The following CCDC15 variants were observed in gnomAD, a reference collection of about 807,000 sequenced individuals.
CCDC15 encodes the protein coiled-coil domain-containing protein 15.
A neutral mutation model predicts 114.5 loss-of-function variants in CCDC15; 105 were observed. The observed-to-expected ratio is 0.92, with a 90% CI of 0.78 to 1.08. The LOEUF (loss-of-function observed/expected upper bound fraction) is 1.08. CCDC15 is among the 50% of genes least tolerant of loss of function. The pLI is 0.00. For missense variants in CCDC15, 1,105 were observed against 1,093.6 expected (o/e 1.01, Z -0.15); for synonymous variants, 334 against 377.8 (o/e 0.88, Z 1.34).
chr11:125,012,029 G>A (rs2135527758), intron 13 of CCDC15, among the ~76,000 whole-genome samples: 1 of 152,344 alleles, frequency 6.6e-6, no homozygotes, highest in Middle Eastern at 3.4e-3. Flanking sequence ...TACATGCCCT[G>A]TAAGTGGTCA....
At position 124,987,358 on chromosome 11, in the gene CCDC15, G is replaced by C. The variant is rs1684953251; in HGVS notation, c.1132G>C (p.Glu378Gln). The C allele has an allele frequency of 1.2e-6, 2 of 1,613,698 alleles. No homozygotes were observed. Among genetic ancestry groups the C allele is most frequent in the African/African-American group, 2.7e-5 (2 of 74,912 alleles). Residue 378 changes from glutamate (E) to glutamine (Q), a missense_variant, in exon 8 of 16, where the codon GAG becomes CAG. Physicochemically the swap from Glu to Gln is conservative, Grantham distance 29 (BLOSUM62 2). Coordinates refer to ENST00000344762, the MANE Select transcript of CCDC15 (RefSeq NM_025004.3). The part of the protein sequence containing the change: ...QVTEPEGQAI[E>Q]PEGQPIKTET... ...TACTGAGCCAGAAGGCCAGGCCATT[G>C]AGCCAGAAGGCCAGCCTATTAAGAC...
At chr11:124,965,505 TA>T (rs1947758775) in intron 4 of CCDC15, among the ~76,000 whole-genome samples, 1 of 152,216 alleles carries the variant, frequency 6.6e-6, no homozygotes, top group South Asian at 2.1e-4. Flanking sequence ...TATCATTTTT[TA>T]TTGTGTCTAT....
chr11:124,997,161 T>C (rs1192829542), intron 11 of CCDC15, among the ~76,000 whole-genome samples: 3 of 152,246 alleles, frequency 2.0e-5, no homozygotes, highest in Admixed American at 6.5e-5. Flanking sequence ...TGTTTGTAGC[T>C]AGTTGATACT....
intron 4 of CCDC15, among the ~76,000 whole-genome samples, chr11:124,963,289 C>A (rs1465666532): frequency 6.6e-6 from 1 of 152,202 alleles, no homozygotes; most frequent in African/African-American, 2.4e-5. Context: ...TTCTCCACAT[C>A]CTCTCCAGCA....
At chr11:125,025,029 T>C (rs373065626) in intron 13 of CCDC15, among the ~76,000 whole-genome samples, 37 of 90,266 alleles carry the variant, frequency 4.1e-4, no homozygotes, top group East Asian at 3.0e-3. Context: ...TATGAATATA[T>C]ATATGAATAC....
Position 124,977,613 on chromosome 11 carries a change from A to G in CCDC15, c.753+13A>G. The G allele has an allele frequency of 6.3e-7, 1 of 1,599,744 alleles. No individual in the cohort carries two copies. Among genetic ancestry groups the G allele is most frequent in the Non-Finnish European group, 8.5e-7 (1 of 1,174,382 alleles). ...TATGGAAAATCAGGTAGGGAAATAT[A>G]AAAAGTAGAGGGGAAAGACATTGGC... On this transcript the variant is annotated intron_variant, in intron 6 of 15. Transcript: ENST00000344762.
intron 4 of CCDC15, among the ~76,000 whole-genome samples, chr11:124,962,438 T>A (rs1591569491): frequency 1.3e-5 from 2 of 152,168 alleles, no homozygotes; most frequent in African/African-American, 4.8e-5. Flanking sequence ...TGAGGTAAAG[T>A]AGGGAGTTAC....
intron 13 of CCDC15, among the ~76,000 whole-genome samples, chr11:125,021,633 T>G (rs1190071163): frequency 6.6e-6 from 1 of 151,612 alleles, no homozygotes; most frequent in Non-Finnish European, 1.5e-5. Context: ...AGTGAGGAAA[T>G]AGAGACAGAA....
intron 13 of CCDC15, among the ~76,000 whole-genome samples, chr11:125,029,728 T>G (rs1022837893): frequency 6.6e-6 from 1 of 152,226 alleles, no homozygotes; most frequent in Non-Finnish European, 1.5e-5. Context: ...TTGGTTTTTT[T>G]CCTGGTGGAG....
At chr11:124,996,696 T>G (rs911376870) in intron 11 of CCDC15, among the ~76,000 whole-genome samples, 1 of 152,164 alleles carries the variant, frequency 6.6e-6, no homozygotes, top group Admixed American at 6.5e-5. Context: ...CGTTAAACAG[T>G]AATTTCTCAG....
chr11:125,028,008 A>T (rs1948716296), intron 13 of CCDC15, among the ~76,000 whole-genome samples: 1 of 151,960 alleles, frequency 6.6e-6, no homozygotes, highest in African/African-American at 2.4e-5. Context: ...ACCCTACCTT[A>T]TGATTTTGTA....
chr11:125,027,809 T>G (rs1469869422), intron 13 of CCDC15, among the ~76,000 whole-genome samples: 1 of 152,138 alleles, frequency 6.6e-6, no homozygotes, highest in Non-Finnish European at 1.5e-5. Flanking sequence ...ATTCTTTGCC[T>G]AAGCCAATGT....
rs369154437 is a variant in CCDC15, at chr11:124,974,985, G to A, written c.517-111G>A. Reference sequence around the variant, plus strand: ...CTTTGCAAGTAATCCTGTTGTCTTAGATCTGGCATTTTTTAATAATAGGGA... The same window carrying A: ...CTTTGCAAGTAATCCTGTTGTCTTAAATCTGGCATTTTTTAATAATAGGGA... On this transcript the variant is annotated intron_variant, in intron 4 of 15. Transcript: ENST00000344762. 15 of 585,744 alleles carry A rather than the reference G, an allele frequency of 2.6e-5. No individual in the cohort carries two copies. In the East Asian group the frequency reaches 3.5e-4, roughly 14 times the overall value. 36.3% of individuals were successfully genotyped at this position (585,744 alleles called of 1,614,324 possible).
chr11:124,986,986 T>G, intron 7 of CCDC15, 98 bp downstream of exon 7: 3 of 1,394,646 alleles, frequency 2.2e-6, no homozygotes, highest in Non-Finnish European at 2.8e-6. Flanking sequence ...TTTTGTTAAG[T>G]TGGACAAAGA....
intron 8 of CCDC15, 137 bp from the exon 9 acceptor site, chr11:124,991,324 G>C (rs1048739621): frequency 1.0e-5 from 5 of 476,888 alleles, no homozygotes; most frequent in Non-Finnish European, 1.8e-5. Context: ...AAAAGTATGA[G>C]TGTCTCTTTT....
Position 125,003,939 on chromosome 11 carries a change from AAAG to A in CCDC15, c.2295_2297del (p.Glu765del), listed in dbSNP as rs1018895634. 3.9e-6 allele frequency: 6 copies of A among 1,542,050 alleles called. No individual in the cohort carries two copies. The highest frequency in any genetic ancestry group is 5.2e-6 in the Non-Finnish European group (6 of 1,150,086). On this transcript the variant is annotated inframe_deletion, in exon 12 of 16. Transcript: ENST00000344762. ...ACTGGCATTTCAGTCTGACGTGGAT[AAAG>A]AAGAAGATAAGAAAGAGGTATGTAA...
intron 11 of CCDC15, among the ~76,000 whole-genome samples, chr11:125,003,149 A>T (rs1040942244): frequency 6.6e-6 from 1 of 151,980 alleles, no homozygotes; most frequent in Admixed American, 6.6e-5. Context: ...CTTTTTGAAG[A>T]TACTGTAAAT....
intron 13 of CCDC15, among the ~76,000 whole-genome samples, chr11:125,009,627 T>G (rs368533355): frequency 6.6e-6 from 1 of 152,260 alleles, no homozygotes; most frequent in African/African-American, 2.4e-5. Flanking sequence ...TAGTACCCAA[T>G]AGGTAATTTT....
chr11:125,007,213 C>T (rs1948559182), intron 13 of CCDC15, among the ~76,000 whole-genome samples: 1 of 152,118 alleles, frequency 6.6e-6, no homozygotes, highest in African/African-American at 2.4e-5. Flanking sequence ...TATGTTTATA[C>T]CCATTAACCC....
Sources: allele counts gnomAD v4.1 joint callset (sites outside exome capture counted in the v4.1 genomes callset), GRCh38; gene constraint gnomAD v4.1.1; transcripts MANE v1.5; gene names NCBI Gene and HGNC (gene_info 2026-07-23, HGNC 2026-07-21).